The following CAMK2B variants were observed in gnomAD, a reference collection of about 807,000 sequenced individuals.
The protein encoded by CAMK2B is calcium/calmodulin dependent protein kinase II beta.
A neutral mutation model predicts 93.7 loss-of-function variants in CAMK2B; 27 were observed. The observed-to-expected ratio is 0.29, with a 90% confidence interval of 0.21 to 0.40. The LOEUF (loss-of-function observed/expected upper bound fraction) is 0.40, where lower values mean the gene tolerates loss of function less well. Ranked by LOEUF, CAMK2B falls within the 10% of genes least tolerant of loss-of-function variation. The pLI is 1.00. For missense variants in CAMK2B, 568 were observed against 895.8 expected, an observed-to-expected ratio of 0.63 and a Z score of 4.67; for synonymous variants, 374 against 358.8, an observed-to-expected ratio of 1.04 and a Z score of -0.48.
Position 44,229,461 on chromosome 7 carries a change from G to C in CAMK2B, c.1266C>G (p.Gly422=), listed in dbSNP as rs1309206191. 1.3e-6 allele frequency: 2 copies of C among 1,482,332 alleles called. No individual in the cohort carries two copies. Among genetic ancestry groups the C allele is most frequent in the African/African-American group, 2.9e-5 (2 of 69,306 alleles). The allele number at this position is 1,482,332 out of a possible 1,614,324, so 91.8% of individuals were successfully genotyped here. ...VPDILSSVRR[G]SGAPEAEGPL... The stretch of plus-strand genomic sequence containing the variant: ...GCCCCTCGGCTTCTGGGGCTCCCGA[G>C]CCCCTCCTCACTGAGCTCAGGATGT... The change falls in exon 18 of 24, where the codon GGC becomes GGG. Residue 422 remains glycine, a synonymous_variant. Transcript: ENST00000395749.
rs547276819 is a variant in CAMK2B at position 44,272,304 on chromosome 7, G to T, written c.161-9240C>A. Among the ~76,000 whole-genome samples the T allele has an allele frequency of 2.0e-5, 3 of 152,238 alleles. No individual in the cohort carries two copies. The East Asian group carries it at 5.8e-4, about 29-fold the overall frequency. ...AGGGCAGCACAAGTCTACCAGAAAA[G>T]GTGAGGTGGTGTCGAAGGGGGTAGG... is the stretch of plus-strand genomic sequence containing the variant. On this transcript the variant is annotated intron_variant, in intron 2 of 23. Transcript: ENST00000395749.
intron 1 of CAMK2B, among the ~76,000 whole-genome samples, chr7:44,302,576 C>G (rs1447692143): frequency 6.6e-6 from 1 of 152,012 alleles, no homozygotes; most frequent in Admixed American, 6.6e-5. Context: ...GGGATTTATC[C>G]CAGGTATGCA....
chr7:44,298,572 G>A (rs1050821265), intron 1 of CAMK2B, among the ~76,000 whole-genome samples: 6 of 152,142 alleles, frequency 3.9e-5, no homozygotes, highest in African/African-American at 1.4e-4. Flanking sequence ...TGCATCAAAG[G>A]ACACTATCAA....
At chr7:44,220,963 C>A (rs2096395633) in intron 20 of CAMK2B, 62 bp from the exon 21 acceptor site, 6 of 1,431,426 alleles carry the variant, frequency 4.2e-6, no homozygotes, top group Non-Finnish European at 5.7e-6. Context: ...GACCCCTCCA[C>A]ACAGCCCAGG....
chr7:44,239,721 G>T, intron 12 of CAMK2B, 58 bp from the exon 13 acceptor site: 1 of 1,201,338 alleles, frequency 8.3e-7, no homozygotes, highest in Non-Finnish European at 1.2e-6. Context: ...ACAGACGAGG[G>T]GTGGGCGAGG....
intron 16 of CAMK2B, among the ~76,000 whole-genome samples, chr7:44,231,332 C>T (rs1268949935): frequency 6.6e-6 from 1 of 152,284 alleles, no homozygotes; most frequent in African/African-American, 2.4e-5. Context: ...CACCAGGGTG[C>T]ATTCTCACGG....
At chr7:44,284,407 G>A (rs1237247283) in intron 1 of CAMK2B, among the ~76,000 whole-genome samples, 182 bp from the exon 2 acceptor site, 1 of 152,270 alleles carries the variant, frequency 6.6e-6, no homozygotes, top group African/African-American at 2.4e-5. Context: ...GCCACTCTCA[G>A]CTGGCCCCAC....
chr7:44,267,259 G>A (rs1020482055), intron 2 of CAMK2B, among the ~76,000 whole-genome samples: 1 of 152,156 alleles, frequency 6.6e-6, no homozygotes, highest in Non-Finnish European at 1.5e-5. Flanking sequence ...GACAGTCCCT[G>A]GGGCACAAAA....
At chr7:44,294,193 C>T (rs535613212) in intron 1 of CAMK2B, among the ~76,000 whole-genome samples, 4 of 152,276 alleles carry the variant, frequency 2.6e-5, no homozygotes, top group African/African-American at 9.6e-5. Flanking sequence ...TCCCTGCCCT[C>T]GCCAAAGTCC....
chr7:44,265,895 A>G (rs2096917678), intron 2 of CAMK2B, among the ~76,000 whole-genome samples: 2 of 151,664 alleles, frequency 1.3e-5, no homozygotes, highest in Admixed American at 1.3e-4. Flanking sequence ...ATAAACCATG[A>G]CACAAGATCT....
rs567402121 is a variant in CAMK2B, at chr7:44,271,661, C to T, written c.161-8597G>A. Among the ~76,000 whole-genome samples, 27 of 152,308 alleles carry T rather than the reference C, an allele frequency of 1.8e-4. No homozygotes were observed. The highest frequency in any genetic ancestry group is 1.1e-3 in the Admixed American group (17 of 15,308). On this transcript the variant is annotated intron_variant, in intron 2 of 23. Transcript: ENST00000395749. The surrounding 1 kb of genome is among the most constrained non-coding windows in gnomAD (Gnocchi z 4.2). ...ACCAGATTGGGCAGCTGGGTGGGGACGAAGGAGTGGCTTCCAGCAGCCCCT... is the reference window on the plus strand; with the variant it reads ...ACCAGATTGGGCAGCTGGGTGGGGATGAAGGAGTGGCTTCCAGCAGCCCCT...
intron 8 of CAMK2B, 51 bp from the exon 9 acceptor site, chr7:44,242,705 C>A: frequency 7.9e-7 from 1 of 1,271,506 alleles, no homozygotes; most frequent in South Asian, 1.2e-5. Flanking sequence ...TGCCACCGTC[C>A]ATGAAGCCCA....
chr7:44,278,870 C>T (rs1466759839), intron 2 of CAMK2B, among the ~76,000 whole-genome samples: 1 of 152,194 alleles, frequency 6.6e-6, no homozygotes, highest in Admixed American at 6.5e-5. Context: ...GGTGGTAGGG[C>T]CAGCTCCCTC....
At chr7:44,280,106 C>G (rs1424460461) in intron 2 of CAMK2B, among the ~76,000 whole-genome samples, 1 of 152,242 alleles carries the variant, frequency 6.6e-6, no homozygotes, top group Non-Finnish European at 1.5e-5. Context: ...AGGGGTTCCT[C>G]TCTCCTCCTC....
At chr7:44,313,519 C>T (rs1172967292) in intron 1 of CAMK2B, among the ~76,000 whole-genome samples, 1 of 149,088 alleles carries the variant, frequency 6.7e-6, no homozygotes, top group East Asian at 2.0e-4. Context: ...AGGTGAGGCC[C>T]AGACGTGGGG....
rs1272799788 is a variant in CAMK2B at position 44,219,316 on chromosome 7, T to A, written c.*209A>T. The A allele has an allele frequency of 5.5e-5, 8 of 146,274 alleles. No individual in the cohort carries two copies. Among genetic ancestry groups the A allele is most frequent in the Non-Finnish European group, 9.0e-5 (6 of 66,372 alleles). 9.1% of individuals were successfully genotyped at this position (146,274 alleles called of 1,614,324 possible). Reference sequence around the variant, plus strand: ...TTTTTTTCATTTCATCTGATGTCAATTTTTTTTGTGGTTGTCGTCGTCATC... The same window carrying A: ...TTTTTTTCATTTCATCTGATGTCAAATTTTTTTGTGGTTGTCGTCGTCATC... On this transcript the variant is annotated 3_prime_UTR_variant, in exon 24 of 24. Coordinates refer to ENST00000395749, the MANE Select transcript of CAMK2B (RefSeq NM_001220.5).
intron 5 of CAMK2B, 91 bp from the exon 6 acceptor site, chr7:44,247,283 T>A: frequency 9.3e-7 from 1 of 1,069,986 alleles, no homozygotes; most frequent in Non-Finnish European, 1.4e-6. Flanking sequence ...CTGTGTGGCC[T>A]GGGGGGACCA....
At chr7:44,299,779 G>A (rs1050861866) in intron 1 of CAMK2B, among the ~76,000 whole-genome samples, 2 of 151,870 alleles carry the variant, frequency 1.3e-5, no homozygotes, top group African/African-American at 4.8e-5. Flanking sequence ...TAGAGCTTTT[G>A]GAAAAGTCAA....
At chr7:44,263,760 T>C (rs1213593592) in intron 2 of CAMK2B, among the ~76,000 whole-genome samples, 1 of 152,268 alleles carries the variant, frequency 6.6e-6, no homozygotes, top group East Asian at 1.9e-4. Context: ...TAAAAACTGA[T>C]GGAGATTGTA....
Sources: gnomAD v4.1 joint callset for allele counts (sites outside exome capture counted in the v4.1 genomes callset) on GRCh38, gnomAD v4.1.1 for gene constraint, Gnocchi (gnomAD v3.1) non-coding constraint, MANE v1.5 for transcripts, NCBI Gene and HGNC (gene_info 2026-07-23, HGNC 2026-07-21) for gene names.